DGKI: variants seen among roughly 807,000 people sequenced by gnomAD.
DGKI encodes diacylglycerol kinase iota.
A neutral mutation model predicts 147.5 loss-of-function variants in DGKI; 55 were observed. The ratio of observed to expected loss-of-function variants is 0.37; its 90% CI spans 0.30 to 0.47. The LOEUF (loss-of-function observed/expected upper bound fraction) is 0.47. Among genes scored for constraint, DGKI ranks in the 20% least tolerant of loss-of-function variants. DGKI has a pLI of 1.00. For synonymous variants in DGKI, 469 were observed against 477.1 expected, an observed-to-expected ratio of 0.98 and a Z score of 0.22; for missense variants, 1,007 against 1,323.8, an observed-to-expected ratio of 0.76 and a Z score of 3.71.
chr7:137,780,305 G>C (rs897486489), intron 1 of DGKI, among the ~76,000 whole-genome samples: 1 of 152,220 alleles, frequency 6.6e-6, no homozygotes, highest in African/African-American at 2.4e-5. Flanking sequence ...GGTATTTAGA[G>C]TAATGATGAT....
At chr7:137,701,170 T>A (rs1823970153) in intron 1 of DGKI, among the ~76,000 whole-genome samples, 1 of 151,506 alleles carries the variant, frequency 6.6e-6, no homozygotes, top group African/African-American at 2.4e-5. Context: ...AAAAAAAAAA[T>A]TGATGAGGAA....
chr7:137,809,598 A>G (rs957359544), intron 1 of DGKI, among the ~76,000 whole-genome samples: 3 of 152,200 alleles, frequency 2.0e-5, no homozygotes, highest in African/African-American at 7.2e-5. Context: ...CCAGGGCCAG[A>G]GAAGTTTTAG....
At chr7:137,528,304 C>T (rs964976044) in intron 20 of DGKI, among the ~76,000 whole-genome samples, 3 of 152,150 alleles carry the variant, frequency 2.0e-5, no homozygotes, top group Non-Finnish European at 4.4e-5. Flanking sequence ...ACAGAAGAAC[C>T]TACAAATGGT....
intron 20 of DGKI, among the ~76,000 whole-genome samples, chr7:137,523,145 AAT>A (rs1452571145): frequency 6.6e-6 from 1 of 152,032 alleles, no homozygotes; most frequent in Non-Finnish European, 1.5e-5. Context: ...GATAAGAAAG[AAT>A]ACATGAAAGA....
intron 19 of DGKI, among the ~76,000 whole-genome samples, chr7:137,569,466 C>A (rs558724706): frequency 6.6e-6 from 1 of 151,838 alleles, no homozygotes; most frequent in African/African-American, 2.4e-5. Context: ...CGGTGGCTCA[C>A]GCCTGTAATC....
At chr7:137,500,529 A>G (rs1816132691) in intron 21 of DGKI, among the ~76,000 whole-genome samples, 1 of 152,192 alleles carries the variant, frequency 6.6e-6, no homozygotes, top group African/African-American at 2.4e-5. Flanking sequence ...TTATATTCAT[A>G]AAAAACTTTT....
intron 28 of DGKI, among the ~76,000 whole-genome samples, chr7:137,429,658 A>G (rs1585107146): frequency 6.6e-6 from 1 of 151,660 alleles, no homozygotes. Context: ...TACTCATCTG[A>G]CAAAGGGCTA....
intron 21 of DGKI, among the ~76,000 whole-genome samples, chr7:137,488,279 CAAA>C (rs1288639078): frequency 1.3e-5 from 2 of 151,902 alleles, no homozygotes; most frequent in Non-Finnish European, 2.9e-5. Flanking sequence ...AAGAAAAGAA[CAAA>C]AAACAGCTTC....
chr7:137,580,068 G>A (rs28513274), intron 15 of DGKI, among the ~76,000 whole-genome samples: 11,763 of 152,090 alleles, frequency 0.077, 758 homozygotes, highest in African/African-American at 0.17. Context: ...GGATAAGTTA[G>A]ACTAAATATG....
intron 26 of DGKI, among the ~76,000 whole-genome samples, chr7:137,465,187 G>A (rs963974001): frequency 6.6e-6 from 1 of 151,782 alleles, no homozygotes; most frequent in African/African-American, 2.4e-5. Flanking sequence ...AACCCTTTAG[G>A]TCTCAATTTT....
At chr7:137,711,927 C>T (rs780227649) in intron 1 of DGKI, among the ~76,000 whole-genome samples, 1 of 151,750 alleles carries the variant, frequency 6.6e-6, no homozygotes. Flanking sequence ...CTCTTGATCT[C>T]GTGATCCGCC....
At chr7:137,526,987 T>A (rs1817171386) in intron 20 of DGKI, among the ~76,000 whole-genome samples, 1 of 152,156 alleles carries the variant, frequency 6.6e-6, no homozygotes, top group Non-Finnish European at 1.5e-5. Flanking sequence ...ATTAACTCAT[T>A]CTGTCACTGG....
chr7:137,839,632 C>T (rs2117102743), intron 1 of DGKI, among the ~76,000 whole-genome samples: 1 of 152,298 alleles, frequency 6.6e-6, no homozygotes, highest in South Asian at 2.1e-4. Flanking sequence ...GCGCTTTGGA[C>T]CCAGGTAGCA....
At chr7:137,715,041 T>C (rs1166408102) in intron 1 of DGKI, among the ~76,000 whole-genome samples, 2 of 152,218 alleles carry the variant, frequency 1.3e-5, no homozygotes, top group Non-Finnish European at 2.9e-5. Context: ...TAAAAAGGAC[T>C]ACACTGAATC....
chr7:137,642,371 T>C (rs988938960), intron 6 of DGKI, among the ~76,000 whole-genome samples: 1 of 152,168 alleles, frequency 6.6e-6, no homozygotes, highest in Non-Finnish European at 1.5e-5. Context: ...GTCCTCTCCA[T>C]CTCCTCACCT....
At position 137,487,689 on chromosome 7, in the gene DGKI, G is replaced by A. The variant is rs752459645; in HGVS notation, c.2249C>T (p.Ser750Leu). The A allele has an allele frequency of 5.0e-6, 8 of 1,613,000 alleles. No individual in the cohort carries two copies. Among genetic ancestry groups the A allele is most frequent in the Non-Finnish European group, 6.8e-6 (8 of 1,179,286 alleles). Residue 750 changes from serine (S) to leucine (L), a missense_variant and splice_region_variant, in exon 22 of 33, where the codon TCG becomes TTG. Ser to Leu is a moderately radical substitution (Grantham distance 145, BLOSUM62 -2). Coordinates refer to ENST00000614521, the MANE Select transcript of DGKI (RefSeq NM_001321708.2). Reference sequence around the variant, plus strand: ...CACAACTAGAATACCCAGAGGTATCGCTAAGGGTGAAGGAAGAAGAAAAAT... The same window carrying A: ...CACAACTAGAATACCCAGAGGTATCACTAAGGGTGAAGGAAGAAGAAAAAT... ...HYDKEKLREA[S>L]IPLGILVVRG...
intron 32 of DGKI, among the ~76,000 whole-genome samples, chr7:137,394,614 T>C (rs780308656): frequency 3.3e-5 from 5 of 152,202 alleles, no homozygotes; most frequent in Non-Finnish European, 7.4e-5. Flanking sequence ...CCCTAAGGCC[T>C]CACCTCCGCC....
At chr7:137,657,714 C>A (rs540498755) in intron 3 of DGKI, among the ~76,000 whole-genome samples, 1 of 152,172 alleles carries the variant, frequency 6.6e-6, no homozygotes, top group Non-Finnish European at 1.5e-5. Context: ...CTTCCCCTTC[C>A]GAGGAGTGGT....
chr7:137,801,621 G>T (rs1797210383), intron 1 of DGKI, among the ~76,000 whole-genome samples: 1 of 152,182 alleles, frequency 6.6e-6, no homozygotes, highest in Non-Finnish European at 1.5e-5. Context: ...TCTGCCATCT[G>T]CTGACAGTCC....
Sources: gnomAD v4.1 joint callset for allele counts (sites outside exome capture counted in the v4.1 genomes callset) on GRCh38, gnomAD v4.1.1 for gene constraint, MANE v1.5 for transcripts, NCBI Gene and HGNC (gene_info 2026-07-23, HGNC 2026-07-21) for gene names.